The following FUBP1 variants were observed in gnomAD, a reference collection of about 807,000 sequenced individuals.
FUBP1 encodes far upstream element binding protein 1.
Under a neutral mutation model 94.9 loss-of-function variants are expected in FUBP1, and 16 were observed. The observed-to-expected ratio is 0.17, with a 90% CI of 0.11 to 0.26. FUBP1 has a LOEUF of 0.26. Among genes scored for constraint, FUBP1 ranks in the 10% least tolerant of loss-of-function variants. FUBP1 has a pLI of 1.00. For missense variants in FUBP1, 583 were observed against 808.6 expected, an observed-to-expected ratio of 0.72 and a Z score of 3.38; for synonymous variants, 279 against 254.9, an observed-to-expected ratio of 1.09 and a Z score of -0.90.
intron 1 of FUBP1, among the ~76,000 whole-genome samples, chr1:77,970,627 T>C (rs1323963795): frequency 6.6e-6 from 1 of 152,190 alleles, no homozygotes; most frequent in African/African-American, 2.4e-5. Flanking sequence ...TCTAAGGATA[T>C]ATGTAGGAGT....
rs539235294 is a variant in FUBP1, at chr1:77,966,311, A to G, written c.473+383T>C. Among the ~76,000 whole-genome samples, 3 of 152,310 alleles carry G rather than the reference A, an allele frequency of 2.0e-5. No individual in the cohort carries two copies. In the East Asian group the frequency reaches 5.8e-4, roughly 29 times the overall value. On this transcript the variant is annotated intron_variant, in intron 7 of 19. Transcript: ENST00000370768. The stretch of plus-strand genomic sequence containing the variant: ...TTTGGAGGTGGGGAAATACAGTATT[A>G]AAGAGCCTGGGAGAGGAGTGGAAAA...
chr1:77,948,982 A>C, intron 19 of FUBP1, 173 bp downstream of exon 19: 3 of 893,916 alleles, frequency 3.4e-6, no homozygotes, highest in Non-Finnish European at 3.6e-6. Context: ...AGATGCTGGA[A>C]AGCATTATAA....
chr1:77,966,961 TA>T lies in FUBP1; in HGVS notation c.344-7del. On this transcript the variant is annotated splice_polypyrimidine_tract_variant and splice_region_variant and intron_variant, in intron 5 of 19. Transcript: ENST00000370768. Reference sequence around the variant, plus strand: ...TTCACCTCCTCTGCCAATTACTAGTTAGAAAAAAAAAAATTTTTTTTTTGGT... The same window carrying T: ...TTCACCTCCTCTGCCAATTACTAGTTGAAAAAAAAAAATTTTTTTTTTGGT... The T allele has an allele frequency of 1.9e-6, 3 of 1,590,100 alleles. No homozygotes were observed. Among genetic ancestry groups the T allele is most frequent in the Non-Finnish European group, 2.6e-6 (3 of 1,162,612 alleles).
In FUBP1 at chr1:77,945,584, T is replaced by C; in HGVS notation, c.*3182A>G. 4.7e-6 allele frequency: 1 copy of C among 212,968 alleles called. No homozygotes were observed. Among genetic ancestry groups the C allele is most frequent in the East Asian group, 7.1e-5 (1 of 14,182 alleles). The allele number at this position is 212,968 out of a possible 1,614,324, so 13.2% of individuals were successfully genotyped here. On this transcript the variant is annotated 3_prime_UTR_variant, in exon 20 of 20. Coordinates refer to ENST00000370768, the MANE Select transcript of FUBP1 (RefSeq NM_003902.5). ...CACTCAAAGGATTCCTCTTTATGGGTAACTATCTCAGGACCTGATTTTATG... is the reference window on the plus strand; with the variant it reads ...CACTCAAAGGATTCCTCTTTATGGGCAACTATCTCAGGACCTGATTTTATG...
chr1:77,973,478 G>T (rs1001661407), intron 1 of FUBP1, among the ~76,000 whole-genome samples: 2 of 149,846 alleles, frequency 1.3e-5, no homozygotes, highest in African/African-American at 4.9e-5. Flanking sequence ...ACTCCTGACC[G>T]CAAGTGATCC....
chr1:77,958,316 CAG>C (rs889079694), intron 16 of FUBP1, among the ~76,000 whole-genome samples: 1 of 152,078 alleles, frequency 6.6e-6, no homozygotes, highest in Non-Finnish European at 1.5e-5. Flanking sequence ...GATAAGAAAA[CAG>C]AGGCTTAGAG....
chr1:77,945,258 A>C lies in FUBP1; in HGVS notation c.*3508T>G, dbSNP rs185400040. On this transcript the variant is annotated 3_prime_UTR_variant, in exon 20 of 20. Transcript: ENST00000370768. ...ACTAACCAAAACTCAACAGGCTCTC[A>C]AGTTTCAATGAGCCCCTTTATATTA... 3.4e-4 allele frequency among the ~76,000 whole-genome samples: 51 copies of C among 152,100 alleles called. No individual in the cohort carries two copies. Among genetic ancestry groups the C allele is most frequent in the Admixed American group, 1.0e-3 (16 of 15,262 alleles).
intron 18 of FUBP1, among the ~76,000 whole-genome samples, chr1:77,953,593 T>G (rs1653915177): frequency 6.6e-6 from 1 of 152,166 alleles, no homozygotes; most frequent in Non-Finnish European, 1.5e-5. Flanking sequence ...CATTATTATT[T>G]AACATCTAAT....
intron 1 of FUBP1, among the ~76,000 whole-genome samples, chr1:77,976,484 T>A (rs2102526136): frequency 6.6e-6 from 1 of 151,970 alleles, no homozygotes; most frequent in South Asian, 2.1e-4. Context: ...TGGCTTAGCC[T>A]AATAATAAAA....
intron 1 of FUBP1, among the ~76,000 whole-genome samples, chr1:77,977,201 A>G (rs1040634084): frequency 6.6e-6 from 1 of 152,216 alleles, no homozygotes; most frequent in South Asian, 2.1e-4. Flanking sequence ...TTCATGCATT[A>G]AAACAAACAA....
At position 77,955,345 on chromosome 1, in the gene FUBP1, C is replaced by G; in HGVS notation, c.1706-16G>C. On this transcript the variant is annotated splice_polypyrimidine_tract_variant and intron_variant, in intron 17 of 19. Transcript: ENST00000370768. ...TGCTGATCTCCTTGTTCAAGCAAAA[C>G]AAAACAAAAAACAGAATTAAAGTTT... The G allele has an allele frequency of 6.6e-7, 1 of 1,519,894 alleles. No homozygotes were observed. Among genetic ancestry groups the G allele is most frequent in the Non-Finnish European group, 9.1e-7 (1 of 1,097,366 alleles). 94.2% of individuals were successfully genotyped at this position (1,519,894 alleles called of 1,614,324 possible).
Position 77,947,319 on chromosome 1 carries a change from C to G in FUBP1, c.*1447G>C. On this transcript the variant is annotated 3_prime_UTR_variant, in exon 20 of 20. Coordinates refer to ENST00000370768, the MANE Select transcript of FUBP1 (RefSeq NM_003902.5). Reference sequence around the variant, plus strand: ...TATTATTCTATGTTAAATTAAGAGGCAGTTATGGTTTTCCAAGATATCAGC... The same window carrying G: ...TATTATTCTATGTTAAATTAAGAGGGAGTTATGGTTTTCCAAGATATCAGC... 1 of 372,980 alleles carries G rather than the reference C, an allele frequency of 2.7e-6. No homozygotes were observed. The highest frequency in any genetic ancestry group is 5.2e-6 in the Non-Finnish European group (1 of 192,624). The allele number at this position is 372,980 out of a possible 1,614,324, so 23.1% of individuals were successfully genotyped here.
At chr1:77,955,490 G>A (rs1200692320) in intron 17 of FUBP1, 161 bp from the exon 18 acceptor site, 1 of 593,506 alleles carries the variant, frequency 1.7e-6, no homozygotes. Context: ...GCCAAAGATA[G>A]AAGGTACTGG....
chr1:77,971,406 A>G (rs1482473223), intron 1 of FUBP1, among the ~76,000 whole-genome samples: 2 of 152,236 alleles, frequency 1.3e-5, no homozygotes, highest in Non-Finnish European at 2.9e-5. Context: ...TTTTATTATC[A>G]TCAGACAACT....
rs1284172241 is a variant in FUBP1, at chr1:77,945,259, A to G, written c.*3507T>C. Among the ~76,000 whole-genome samples, 1 of 152,002 alleles carries G rather than the reference A, an allele frequency of 6.6e-6. No homozygotes were observed. The highest frequency in any genetic ancestry group is 1.5e-5 in the Non-Finnish European group (1 of 67,896). ...CTAACCAAAACTCAACAGGCTCTCA[A>G]GTTTCAATGAGCCCCTTTATATTAT... On this transcript the variant is annotated 3_prime_UTR_variant, in exon 20 of 20. Transcript: ENST00000370768.
intron 17 of FUBP1, among the ~76,000 whole-genome samples, chr1:77,955,792 G>T (rs556380283): frequency 8.5e-5 from 13 of 152,112 alleles, no homozygotes; most frequent in South Asian, 2.1e-4. Context: ...TCTGCCTGTT[G>T]AAAGAAGCTA....
intron 14 of FUBP1, 113 bp from the exon 15 acceptor site, chr1:77,960,608 T>A: frequency 1.2e-6 from 1 of 858,924 alleles, no homozygotes; most frequent in Non-Finnish European, 1.7e-6. Flanking sequence ...ATAACAAATT[T>A]TAGGTTTTCC....
intron 18 of FUBP1, among the ~76,000 whole-genome samples, chr1:77,950,707 T>G (rs945944370): frequency 2.0e-5 from 3 of 152,336 alleles, no homozygotes; most frequent in African/African-American, 7.2e-5. Context: ...GTAACTCGCT[T>G]GGCTTTGTGA....
At chr1:77,968,973 T>C (rs1657021854) in intron 2 of FUBP1, 1 of 617,498 alleles carries the variant, frequency 1.6e-6, no homozygotes, top group Non-Finnish European at 2.7e-6. Flanking sequence ...ATCCACTGGT[T>C]TATTTCACGT....
Sources: allele counts gnomAD v4.1 joint callset (sites outside exome capture counted in the v4.1 genomes callset), GRCh38; gene constraint gnomAD v4.1.1; transcripts MANE v1.5; gene names NCBI Gene and HGNC (gene_info 2026-07-23, HGNC 2026-07-21).